MICU1: variants seen among roughly 807,000 people sequenced by gnomAD.
MICU1 encodes calcium uptake protein 1, mitochondrial.
MICU1 carries 45 observed loss-of-function variants against 56.8 expected under a neutral mutation model. The ratio of observed to expected loss-of-function variants is 0.79; its 90% CI spans 0.62 to 1.02. The LOEUF (loss-of-function observed/expected upper bound fraction) is 1.02. Among genes scored for constraint, MICU1 ranks in the 50% least tolerant of loss-of-function variants. MICU1 has a pLI of 0.00. For synonymous variants in MICU1, 186 were observed against 195.1 expected (o/e 0.95, Z 0.39); for missense variants, 504 against 587.1 (o/e 0.86, Z 1.46).
At chr10:72,391,249 T>C (rs922826218) in intron 10 of MICU1, among the ~76,000 whole-genome samples, 7 of 152,194 alleles carry the variant, frequency 4.6e-5, no homozygotes, top group Non-Finnish European at 8.8e-5. Context: ...CTGGCCAACA[T>C]GGCGAAATCC....
intron 4 of MICU1, among the ~76,000 whole-genome samples, chr10:72,545,719 C>T (rs1163660992): frequency 2.0e-5 from 3 of 152,196 alleles, no homozygotes; most frequent in Admixed American, 2.0e-4. Context: ...CAGCTATCTC[C>T]TCAGGATCAG....
At chr10:72,577,594 C>A (rs1452831363) in intron 1 of MICU1, among the ~76,000 whole-genome samples, 1 of 151,674 alleles carries the variant, frequency 6.6e-6, no homozygotes, top group Non-Finnish European at 1.5e-5. Context: ...ATTGCATATG[C>A]GGAGGAAACA....
intron 4 of MICU1, among the ~76,000 whole-genome samples, chr10:72,537,194 CTT>C (rs1839659020): frequency 6.6e-6 from 1 of 152,082 alleles, no homozygotes. Context: ...ATTATTTCAC[CTT>C]GTTATGTTTT....
chr10:72,378,390 C>T (rs1161453282), intron 10 of MICU1, among the ~76,000 whole-genome samples: 1 of 152,120 alleles, frequency 6.6e-6, no homozygotes, highest in Non-Finnish European at 1.5e-5. Flanking sequence ...TGATAGTAAG[C>T]GAGTTCTCAT....
chr10:72,578,702 G>C (rs914542845), intron 1 of MICU1, among the ~76,000 whole-genome samples: 1 of 152,002 alleles, frequency 6.6e-6, no homozygotes, highest in Non-Finnish European at 1.5e-5. Flanking sequence ...CCACCTCCCA[G>C]GTTCAAGCGA....
chr10:72,477,780 C>T (rs1210441724), intron 6 of MICU1, among the ~76,000 whole-genome samples: 2 of 152,248 alleles, frequency 1.3e-5, no homozygotes, highest in African/African-American at 4.8e-5. Context: ...TGGATAATTT[C>T]AAGTTGGTTT....
At chr10:72,441,249 G>A (rs1487541422) in intron 8 of MICU1, among the ~76,000 whole-genome samples, 1 of 152,050 alleles carries the variant, frequency 6.6e-6, no homozygotes, top group Non-Finnish European at 1.5e-5. Context: ...GTCCTTTGCA[G>A]GGACATGGAT....
At chr10:72,502,797 A>G (rs12783031) in intron 6 of MICU1, 71,924 of 154,156 alleles carry the variant, frequency 0.47, 20,676 homozygotes, top group Non-Finnish European at 0.67. Context: ...ACTGATCTCA[A>G]TGTCATTTCT....
chr10:72,584,408 A>C (rs1210864215), intron 1 of MICU1, among the ~76,000 whole-genome samples: 2 of 152,238 alleles, frequency 1.3e-5, no homozygotes, highest in Non-Finnish European at 2.9e-5. Flanking sequence ...AATTACAGAA[A>C]CAATGATGTC....
chr10:72,525,181 G>GTCCA (rs199906657), intron 5 of MICU1, among the ~76,000 whole-genome samples: 84,988 of 151,110 alleles, frequency 0.56, 25,186 homozygotes, highest in Non-Finnish European at 0.67. Context: ...TCATCCTGAA[G>GTCCA]GCTGGCATTT....
intron 1 of MICU1, among the ~76,000 whole-genome samples, chr10:72,611,611 C>T (rs1382671537): frequency 6.6e-6 from 1 of 151,636 alleles, no homozygotes; most frequent in Non-Finnish European, 1.5e-5. Flanking sequence ...AAAAAGAAAG[C>T]CCTGTGTTAA....
intron 1 of MICU1, among the ~76,000 whole-genome samples, chr10:72,605,975 A>T (rs574536603): frequency 6.6e-6 from 1 of 151,730 alleles, no homozygotes; most frequent in South Asian, 2.1e-4. Flanking sequence ...TACTAAAAAT[A>T]AAAAAATTGG....
rs907613409 is a variant in MICU1, at chr10:72,601,600, G to C, written c.-2+24410C>G. ...CATGGCTGAGGCCCCTACAACAAAA[G>C]ACAGATTAACAACAAAAGAGCATAT... On this transcript the variant is annotated intron_variant, in intron 1 of 11. Coordinates refer to ENST00000361114, the MANE Select transcript of MICU1 (RefSeq NM_001195518.2). Among the ~76,000 whole-genome samples the C allele has an allele frequency of 5.9e-5, 9 of 151,790 alleles. No individual in the cohort carries two copies. The South Asian group carries it at 1.9e-3, about 32-fold the overall frequency.
chr10:72,372,138 G>A (rs1051981418), intron 11 of MICU1, among the ~76,000 whole-genome samples: 4 of 151,894 alleles, frequency 2.6e-5, no homozygotes, highest in African/African-American at 7.3e-5. Context: ...GGAGGTCAAA[G>A]CAAGAGGACA....
intron 1 of MICU1, among the ~76,000 whole-genome samples, chr10:72,582,035 T>A (rs1840913436): frequency 6.6e-6 from 1 of 152,174 alleles, no homozygotes; most frequent in African/African-American, 2.4e-5. Flanking sequence ...GTTCAAGTGA[T>A]TCTCCTGCCT....
Position 72,615,365 on chromosome 10 carries a change from G to A in MICU1, c.-2+10645C>T, listed in dbSNP as rs574382945. 3.3e-5 allele frequency among the ~76,000 whole-genome samples: 5 copies of A among 152,170 alleles called. No homozygotes were observed. In the South Asian group the frequency reaches 6.2e-4, roughly 19 times the overall value. ...ACTCCTGACCTCAAGCAATCTTCCC[G>A]CCTTGGCCTCCCAAAGTGCTGGGAT... On this transcript the variant is annotated intron_variant, in intron 1 of 11. Transcript: ENST00000361114.
chr10:72,379,305 G>T (rs1244073174), intron 10 of MICU1, among the ~76,000 whole-genome samples: 1 of 152,214 alleles, frequency 6.6e-6, no homozygotes, highest in Non-Finnish European at 1.5e-5. Context: ...AACAGAATGA[G>T]ATCAGAAGGA....
chr10:72,507,600 A>G (rs1400424664), intron 6 of MICU1, among the ~76,000 whole-genome samples: 3 of 152,208 alleles, frequency 2.0e-5, no homozygotes, highest in African/African-American at 7.2e-5. Flanking sequence ...CCTTGACAGA[A>G]TACAGAGTGA....
At chr10:72,391,202 C>G (rs1016979726) in intron 10 of MICU1, among the ~76,000 whole-genome samples, 1 of 152,194 alleles carries the variant, frequency 6.6e-6, no homozygotes, top group Non-Finnish European at 1.5e-5. Flanking sequence ...GAGGCCAAGG[C>G]GGGTGGATCA....
Sources: allele counts gnomAD v4.1 joint callset (sites outside exome capture counted in the v4.1 genomes callset), GRCh38; gene constraint gnomAD v4.1.1; transcripts MANE v1.5; gene names NCBI Gene and HGNC (gene_info 2026-07-23, HGNC 2026-07-21).